Variants in SH3BP2 observed in about 807,000 individuals in gnomAD.
SH3BP2 encodes SH3 domain binding protein 2.
SH3BP2 carries 38 observed loss-of-function variants against 56.2 expected under a neutral mutation model. The ratio of observed to expected loss-of-function variants is 0.68; its 90% CI spans 0.52 to 0.89. The LOEUF is 0.89. SH3BP2 is among the 40% of genes least tolerant of loss of function. SH3BP2 has a pLI of 0.00. For synonymous variants in SH3BP2, 346 were observed against 316.7 expected, an observed-to-expected ratio of 1.09 and a Z score of -0.98; for missense variants, 748 against 762.6, an observed-to-expected ratio of 0.98 and a Z score of 0.23.
At chr4:2,833,349 G>A (rs1725102493) in intron 12 of SH3BP2, 1 of 574,526 alleles carries the variant, frequency 1.7e-6, no homozygotes, top group East Asian at 2.9e-5. Context: ...GTCTTTCTCA[G>A]GCTGGTTTCA....
At chr4:2,823,353 C>T (rs1724412639) in intron 3 of SH3BP2, 2 of 498,834 alleles carry the variant, frequency 4.0e-6, no homozygotes, top group African/African-American at 1.9e-5. Context: ...ATCTCTCCTC[C>T]CTCCCCACCT....
intron 5 of SH3BP2, 135 bp downstream of exon 5, chr4:2,825,331 C>G (rs541986330): frequency 2.8e-6 from 2 of 726,710 alleles, no homozygotes; most frequent in East Asian, 2.7e-5. Flanking sequence ...GCCAGCTGGG[C>G]TGCGTCTCTC....
chr4:2,820,633 A>G lies in SH3BP2; in HGVS notation c.16A>G (p.Met6Val), dbSNP rs1390265300. 5 of 1,613,988 alleles carry G rather than the reference A, an allele frequency of 3.1e-6. No individual in the cohort carries two copies. Among genetic ancestry groups the G allele is most frequent in the Non-Finnish European group, 4.2e-6 (5 of 1,179,996 alleles). ...TTGCAGCTTCATGGCGGCTGAAGAG[A>G]TGCATTGGCCTGTCCCTATGAAGGC... MAAEE[M>V]HWPVPMKAIG... The change falls in exon 2 of 13, where the codon ATG (methionine) becomes GTG (valine). Residue 6 changes from methionine (M) to valine (V), a missense_variant. This residue lies in a region of SH3BP2 where 104 missense variants were observed against 123.1 expected (regional missense o/e 0.84). Transcript: ENST00000503393.
Position 2,829,392 on chromosome 4 carries a change from C to A in SH3BP2, c.587-101C>A. 7.8e-7 allele frequency: 1 copy of A among 1,283,028 alleles called. No individual in the cohort carries two copies. The highest frequency in any genetic ancestry group is 1.1e-6 in the Non-Finnish European group (1 of 882,040). 79.5% of individuals were successfully genotyped at this position (1,283,028 alleles called of 1,614,324 possible). ...TGGGCAGGCTGTGGGGTGGGCCTAC[C>A]ATGGGTTGCACTCCTGGTTGGCCTG... On this transcript the variant is annotated intron_variant, in intron 7 of 12. Coordinates refer to ENST00000503393, the MANE Select transcript of SH3BP2 (RefSeq NM_001122681.2). This position sits in a 1 kb window ranked among gnomAD's most constrained non-coding sequence, Gnocchi z 4.9.
In SH3BP2 at chr4:2,839,280, C is replaced by T. The variant is rs1725339613; in HGVS notation, c.*5446C>T. ...TTGAGTCAGGCTCAGGTGATTCTCTCACCTCAGCCTCCCAAGTAGCTGGGA... is the reference window on the plus strand; with the variant it reads ...TTGAGTCAGGCTCAGGTGATTCTCTTACCTCAGCCTCCCAAGTAGCTGGGA... On this transcript the variant is annotated 3_prime_UTR_variant, in exon 13 of 13. Transcript: ENST00000503393. The T allele has an allele frequency of 1.3e-5, 2 of 151,386 alleles. No individual in the cohort carries two copies. Among genetic ancestry groups the T allele is most frequent in the African/African-American group, 4.9e-5 (2 of 41,154 alleles). 9.4% of individuals were successfully genotyped at this position (151,386 alleles called of 1,614,324 possible). A position where few individuals can be genotyped will look rare whatever the true frequency, so the allele number is the denominator to read the frequency against.
At chr4:2,832,693 G>A (rs1005886065) in intron 11 of SH3BP2, among the ~76,000 whole-genome samples, 1 of 152,216 alleles carries the variant, frequency 6.6e-6, no homozygotes, top group South Asian at 2.1e-4. Flanking sequence ...GCAGGGGAAC[G>A]CCAGGTCTGC....
In SH3BP2 at chr4:2,831,452, G is replaced by A. The variant is rs1048230710; in HGVS notation, c.1242-119G>A. 3.9e-6 allele frequency: 3 copies of A among 768,172 alleles called. No individual in the cohort carries two copies. The highest frequency in any genetic ancestry group is 6.9e-6 in the Non-Finnish European group (3 of 435,724). 47.6% of individuals were successfully genotyped at this position (768,172 alleles called of 1,614,324 possible). A position where few individuals can be genotyped will look rare whatever the true frequency, so the allele number is the denominator to read the frequency against. On this transcript the variant is annotated intron_variant, in intron 8 of 12. Transcript: ENST00000503393. This position sits in a 1 kb window ranked among gnomAD's most constrained non-coding sequence, Gnocchi z 4.1. ...TGTCCTGAGCTTTTTAGGGTCACAG[G>A]GGCCATAGCAGGCAGCTTGCCGTCC... is the stretch of plus-strand genomic sequence containing the variant.
At chr4:2,822,774 C>T (rs1392792106) in intron 2 of SH3BP2, among the ~76,000 whole-genome samples, 161 bp from the exon 3 acceptor site, 1 of 152,220 alleles carries the variant, frequency 6.6e-6, no homozygotes, top group Non-Finnish European at 1.5e-5. Context: ...GAGTGGGCTC[C>T]TGGGGAGGGG....
At chr4:2,812,117 A>T in intron 1 of SH3BP2, 2 of 1,273,804 alleles carry the variant, frequency 1.6e-6, no homozygotes, top group Non-Finnish European at 2.1e-6. Flanking sequence ...GGGCAGGAGC[A>T]GTGGAAGGTA....
chr4:2,815,411 G>T (rs1723952890), intron 1 of SH3BP2, among the ~76,000 whole-genome samples: 1 of 152,228 alleles, frequency 6.6e-6, no homozygotes, highest in Admixed American at 6.5e-5. Flanking sequence ...CCCCTGCCCA[G>T]GGTCAGCTGA....
rs376407420 is a variant in SH3BP2 at position 2,831,555 on chromosome 4, C to T, written c.1242-16C>T. ...GACAGTGAAATGGTCCTGCCTTCCT[C>T]TCCCTGCCCCTCCAGGCGATCACCC... On this transcript the variant is annotated splice_polypyrimidine_tract_variant and intron_variant, in intron 8 of 12. Coordinates refer to ENST00000503393, the MANE Select transcript of SH3BP2 (RefSeq NM_001122681.2). The surrounding 1 kb of genome is among the most constrained non-coding windows in gnomAD (Gnocchi z 4.1). 20 of 1,554,270 alleles carry T rather than the reference C, an allele frequency of 1.3e-5. No homozygotes were observed. In the African/African-American group the frequency reaches 2.2e-4, roughly 17 times the overall value.
intron 1 of SH3BP2, among the ~76,000 whole-genome samples, chr4:2,811,068 G>T (rs1243818829): frequency 6.6e-6 from 1 of 152,214 alleles, no homozygotes; most frequent in Non-Finnish European, 1.5e-5. Context: ...AAAAGCCCAA[G>T]CTCCTCACCC....
chr4:2,829,787 C>T lies in SH3BP2; in HGVS notation c.881C>T (p.Pro294Leu). Reference protein sequence around the residue: ...TMPTAPGLRKPPCFRESASPS... With the variant: ...TMPTAPGLRKLPCFRESASPS... ...CCCACCGCACCCGGCCTCCGGAAACCCCCTTGCTTCCGGGAGAGTGCCAGC... is the reference window on the plus strand; with the variant it reads ...CCCACCGCACCCGGCCTCCGGAAACTCCCTTGCTTCCGGGAGAGTGCCAGC... The change falls in exon 8 of 13, where the codon CCC (proline) becomes CTC (leucine). Residue 294 changes from proline to leucine, a missense_variant. This residue lies in a region of SH3BP2 where 635 missense variants were observed against 615.0 expected (regional missense o/e 1.03). Coordinates refer to ENST00000503393, the MANE Select transcript of SH3BP2 (RefSeq NM_001122681.2). The surrounding 1 kb of genome is among the most constrained non-coding windows in gnomAD (Gnocchi z 4.9). 6.2e-7 allele frequency: 1 copy of T among 1,613,186 alleles called. No homozygotes were observed. Among genetic ancestry groups the T allele is most frequent in the Admixed American group, 1.7e-5 (1 of 60,028 alleles).
chr4:2,815,723 G>A (rs1476158499), intron 1 of SH3BP2, among the ~76,000 whole-genome samples: 1 of 152,224 alleles, frequency 6.6e-6, no homozygotes, highest in African/African-American at 2.4e-5. Flanking sequence ...AGCTTCCTGT[G>A]CCTTCCAGGC....
chr4:2,832,487 C>T (rs1003750166), intron 11 of SH3BP2, 75 bp downstream of exon 11: 4 of 1,125,102 alleles, frequency 3.6e-6, no homozygotes, highest in Non-Finnish European at 5.4e-6. Flanking sequence ...GCCCAGGACT[C>T]CACAGTTCCT....
At position 2,831,763 on chromosome 4, in the gene SH3BP2, C is replaced by A; in HGVS notation, c.1350+84C>A. The A allele has an allele frequency of 2.2e-6, 3 of 1,377,298 alleles. No individual in the cohort carries two copies. Among genetic ancestry groups the A allele is most frequent in the Middle Eastern group, 1.8e-4 (1 of 5,538 alleles). The allele number at this position is 1,377,298 out of a possible 1,614,324, so 85.3% of individuals were successfully genotyped here. On this transcript the variant is annotated intron_variant, in intron 9 of 12. Coordinates refer to ENST00000503393, the MANE Select transcript of SH3BP2 (RefSeq NM_001122681.2). This position sits in a 1 kb window ranked among gnomAD's most constrained non-coding sequence, Gnocchi z 4.1. ...AGCCATAGGCCAGGGCGGCCCCTCA[C>A]AGACCGTCCTGAGCAAGGACCCCCC... is the stretch of plus-strand genomic sequence containing the variant.
chr4:2,806,767 C>T (rs534023000), intron 1 of SH3BP2, among the ~76,000 whole-genome samples: 1 of 152,244 alleles, frequency 6.6e-6, no homozygotes, highest in East Asian at 1.9e-4. Context: ...AGTCCCGACT[C>T]CCATGCCCAT....
At position 2,829,946 on chromosome 4, in the gene SH3BP2, C is replaced by A. The variant is rs1310135494; in HGVS notation, c.1040C>A (p.Ser347Tyr). The change falls in exon 8 of 13, where the codon TCT (serine) becomes TAT (tyrosine). Residue 347 changes from serine (S) to tyrosine (Y), a missense_variant. By Grantham distance (144) the Ser-to-Tyr change is moderately radical. This residue lies in a region of SH3BP2 where 635 missense variants were observed against 615.0 expected (regional missense o/e 1.03). Coordinates refer to ENST00000503393, the MANE Select transcript of SH3BP2 (RefSeq NM_001122681.2). This position sits in a 1 kb window ranked among gnomAD's most constrained non-coding sequence, Gnocchi z 4.9. ...FHLSPRGPPT[S>Y]EPPPVPANKP... ...CTGTCCCCCCGAGGACCACCCACATCTGAGCCCCCACCTGTGCCAGCCAAC... is the reference window on the plus strand; with the variant it reads ...CTGTCCCCCCGAGGACCACCCACATATGAGCCCCCACCTGTGCCAGCCAAC... 1.9e-6 allele frequency: 3 copies of A among 1,613,574 alleles called. No homozygotes were observed. The highest frequency in any genetic ancestry group is 2.2e-5 in the East Asian group (1 of 44,880).
chr4:2,800,057 G>C (rs2108697880), intron 1 of SH3BP2, among the ~76,000 whole-genome samples: 1 of 152,294 alleles, frequency 6.6e-6, no homozygotes, highest in East Asian at 1.9e-4. Flanking sequence ...AAGGGTGGGG[G>C]CTGCCACAGA....
Sources: gnomAD v4.1 joint callset for allele counts (sites outside exome capture counted in the v4.1 genomes callset) on GRCh38, gnomAD v4.1.1 for gene constraint, gnomAD v4.1.1 regional missense constraint, Gnocchi (gnomAD v3.1) non-coding constraint, MANE v1.5 for transcripts, NCBI Gene and HGNC (gene_info 2026-07-23, HGNC 2026-07-21) for gene names.